CAMKMT: variants seen among roughly 807,000 people sequenced by gnomAD.
The protein encoded by CAMKMT is calmodulin-lysine N-methyltransferase, also known as CaM KMT.
CAMKMT carries 53 observed loss-of-function variants against 48.0 expected under a neutral mutation model. That is an observed-to-expected ratio of 1.10 (90% confidence interval 0.89 to 1.39). CAMKMT has a LOEUF of 1.39. Ranked by LOEUF, CAMKMT falls within the 40% of genes most tolerant of loss-of-function variation. CAMKMT has a pLI of 0.00. For missense variants in CAMKMT, 428 were observed against 402.7 expected, an observed-to-expected ratio of 1.06 and a Z score of -0.54; for synonymous variants, 165 against 152.3, an observed-to-expected ratio of 1.08 and a Z score of -0.61.
chr2:44,519,022 C>G (rs983428622), intron 3 of CAMKMT, among the ~76,000 whole-genome samples: 1 of 152,206 alleles, frequency 6.6e-6, no homozygotes, highest in Non-Finnish European at 1.5e-5. Context: ...GGTACCACTA[C>G]TTTACTAACC....
intron 3 of CAMKMT, among the ~76,000 whole-genome samples, chr2:44,538,151 C>T (rs948806961): frequency 9.2e-5 from 14 of 151,844 alleles, no homozygotes; most frequent in African/African-American, 3.1e-4. Flanking sequence ...GGGTGGATCA[C>T]GAGGTCAGGT....
intron 3 of CAMKMT, among the ~76,000 whole-genome samples, chr2:44,547,469 A>G (rs1667470686): frequency 6.6e-6 from 1 of 152,144 alleles, no homozygotes; most frequent in African/African-American, 2.4e-5. Context: ...GTAGTGCACC[A>G]TGATCATGTC....
chr2:44,452,616 A>T (rs1265149802), intron 3 of CAMKMT, among the ~76,000 whole-genome samples: 1 of 152,064 alleles, frequency 6.6e-6, no homozygotes, highest in Admixed American at 6.6e-5. Context: ...ATAAGAGTTT[A>T]TAAGTCATTT....
intron 3 of CAMKMT, among the ~76,000 whole-genome samples, chr2:44,565,063 T>A (rs1668539101): frequency 6.6e-6 from 1 of 152,204 alleles, no homozygotes; most frequent in Non-Finnish European, 1.5e-5. Context: ...TTTTTTCTAC[T>A]GGGTTGAGGG....
chr2:44,727,333 A>G (rs950167572), intron 7 of CAMKMT, among the ~76,000 whole-genome samples: 32 of 151,938 alleles, frequency 2.1e-4, no homozygotes, highest in East Asian at 5.8e-4. Flanking sequence ...GAGATCTTCT[A>G]CCTCCTTGGT....
chr2:44,542,529 A>G (rs868639125), intron 3 of CAMKMT, among the ~76,000 whole-genome samples: 1 of 62,682 alleles, frequency 1.6e-5, no homozygotes, highest in African/African-American at 4.0e-5. Context: ...ACACACACAC[A>G]CACACACACT....
At chr2:44,689,232 C>G (rs914302100) in intron 3 of CAMKMT, among the ~76,000 whole-genome samples, 1 of 151,944 alleles carries the variant, frequency 6.6e-6, no homozygotes, top group Non-Finnish European at 1.5e-5. Context: ...GCTGCTCTTA[C>G]GTGCCTTTTC....
chr2:44,664,900 G>A (rs190626305), intron 3 of CAMKMT, among the ~76,000 whole-genome samples: 5 of 152,308 alleles, frequency 3.3e-5, no homozygotes, highest in Non-Finnish European at 1.5e-5. Context: ...GGTTCAGTGT[G>A]GGTCACAGTG....
intron 2 of CAMKMT, among the ~76,000 whole-genome samples, chr2:44,376,661 C>A (rs906728326): frequency 6.6e-6 from 1 of 152,084 alleles, no homozygotes; most frequent in African/African-American, 2.4e-5. Flanking sequence ...GAAGTGAATA[C>A]CCCCAAGAGG....
chr2:44,551,624 G>A (rs80127628), intron 3 of CAMKMT, among the ~76,000 whole-genome samples: 7,589 of 152,198 alleles, frequency 0.05, 266 homozygotes, highest in Non-Finnish European at 0.072. Context: ...AACATCCTGG[G>A]CTCTATACCA....
intron 3 of CAMKMT, among the ~76,000 whole-genome samples, chr2:44,656,643 G>A (rs997421388): frequency 2.6e-5 from 4 of 152,054 alleles, no homozygotes; most frequent in South Asian, 2.1e-4. Flanking sequence ...CACTGAGCAC[G>A]CTGAAACCCA....
chr2:44,382,465 TTTTTTC>T (rs1176389008), intron 2 of CAMKMT, among the ~76,000 whole-genome samples: 13 of 151,866 alleles, frequency 8.6e-5, no homozygotes, highest in African/African-American at 2.9e-4. Flanking sequence ...TGCAAATAAC[TTTTTTC>T]TTTTTCTTTT....
intron 3 of CAMKMT, among the ~76,000 whole-genome samples, chr2:44,628,583 G>A (rs1004020839): frequency 9.4e-5 from 14 of 148,934 alleles, no homozygotes; most frequent in African/African-American, 3.5e-4. Flanking sequence ...GTCTCACTAT[G>A]TTGTCCAGGC....
chr2:44,686,667 G>T (rs556035000), intron 3 of CAMKMT, among the ~76,000 whole-genome samples: 2 of 152,288 alleles, frequency 1.3e-5, no homozygotes, highest in African/African-American at 4.8e-5. Context: ...AGCCCTCAGT[G>T]CTACATTTAT....
intron 3 of CAMKMT, among the ~76,000 whole-genome samples, chr2:44,521,573 C>G (rs1671114429): frequency 6.6e-6 from 1 of 152,216 alleles, no homozygotes; most frequent in Non-Finnish European, 1.5e-5. Context: ...GCCATCACGC[C>G]CGTCTAGTAT....
chr2:44,703,199 CA>C (rs1677351033), intron 3 of CAMKMT, among the ~76,000 whole-genome samples: 1 of 151,976 alleles, frequency 6.6e-6, no homozygotes, highest in Non-Finnish European at 1.5e-5. Context: ...TTGGAAAATA[CA>C]AAAAAGCATA....
At chr2:44,557,963 G>C (rs1375656079) in intron 3 of CAMKMT, among the ~76,000 whole-genome samples, 2 of 152,106 alleles carry the variant, frequency 1.3e-5, no homozygotes, top group African/African-American at 4.8e-5. Flanking sequence ...GGCATTAAAG[G>C]AAAACTTACA....
At chr2:44,428,248 T>A (rs374068968) in intron 3 of CAMKMT, among the ~76,000 whole-genome samples, 2 of 151,814 alleles carry the variant, frequency 1.3e-5, no homozygotes, top group East Asian at 1.9e-4. Flanking sequence ...GGATGGAGAG[T>A]TGGAAATGGG....
intron 3 of CAMKMT, among the ~76,000 whole-genome samples, chr2:44,414,146 G>T (rs758487290): frequency 1.3e-4 from 20 of 152,164 alleles, no homozygotes; most frequent in Admixed American, 2.0e-4. Context: ...AGCCAGAGGT[G>T]ATTGCTTGTA....
Sources: allele counts gnomAD v4.1 joint callset (sites outside exome capture counted in the v4.1 genomes callset), GRCh38; gene constraint gnomAD v4.1.1; transcripts MANE v1.5; gene names NCBI Gene and HGNC (gene_info 2026-07-23, HGNC 2026-07-21).